Variants in FAT2 observed in about 807,000 individuals in gnomAD.
FAT2 encodes FAT atypical cadherin 2.
Under a neutral mutation model 295.3 loss-of-function variants are expected in FAT2, and 150 were observed. The ratio of observed to expected loss-of-function variants is 0.51; its 90% CI spans 0.44 to 0.58. The LOEUF (loss-of-function observed/expected upper bound fraction) is 0.58. Among genes scored for constraint, FAT2 ranks in the 20% least tolerant of loss-of-function variants. The pLI is 0.00. For synonymous variants in FAT2, 2,026 were observed against 2,150.3 expected (o/e 0.94, Z 1.60); for missense variants, 4,868 against 5,442.7 (o/e 0.89, Z 3.32).
intron 11 of FAT2, among the ~76,000 whole-genome samples, chr5:151,538,859 T>G (rs1755791087): frequency 6.7e-6 from 1 of 150,146 alleles, no homozygotes. Context: ...TTTTTTTTTG[T>G]ATTTTTAGTA....
At chr5:151,565,359 G>T (rs1316870657) in intron 2 of FAT2, among the ~76,000 whole-genome samples, 1 of 151,904 alleles carries the variant, frequency 6.6e-6, no homozygotes, top group Non-Finnish European at 1.5e-5. Flanking sequence ...GATTATATCT[G>T]GGGTGATGGA....
chr5:151,572,011 A>C (rs1213096358), intron 1 of FAT2, among the ~76,000 whole-genome samples: 1 of 152,194 alleles, frequency 6.6e-6, no homozygotes, highest in Non-Finnish European at 1.5e-5. Flanking sequence ...TAAGATTCTC[A>C]CATGAATAAT....
intron 16 of FAT2, 136 bp from the exon 17 acceptor site, chr5:151,527,513 G>T: frequency 2.7e-6 from 2 of 739,618 alleles, no homozygotes; most frequent in East Asian, 2.9e-5. Flanking sequence ...CCCACCCGTA[G>T]CATTTTAGGG....
rs773511696 is a variant in FAT2 at position 151,534,463 on chromosome 5, T to C, written c.9373A>G (p.Asn3125Asp). ...GCCACAGGGGTCTTCACTGTGGTGT[T>C]GTCGAAGACAGCCACAGCACAGTGG... The part of the protein sequence containing the change: ...PSHCAVAVFD[N>D]TTVKTPVAVV... Residue 3125 changes from asparagine to aspartate, a missense_variant, in exon 13 of 24, where the codon AAC becomes GAC. Around this residue, in one of 5 missense-constraint regions of FAT2, gnomAD observed 1,046 missense variants for 1,210.1 expected, o/e 0.86. Coordinates refer to ENST00000261800, the MANE Select transcript of FAT2 (RefSeq NM_001447.3). The C allele has an allele frequency of 1.2e-6, 2 of 1,613,852 alleles. No homozygotes were observed. The highest frequency in any genetic ancestry group is 1.7e-6 in the Non-Finnish European group (2 of 1,179,946).
chr5:151,568,924 A>G lies in FAT2; in HGVS notation c.8T>C (p.Ile3Thr), dbSNP rs1758412565. MT[I>T]ALLGFAIFLL... ...GAATATGGCAAAACCCAGCAGGGCA[A>G]TAGTCATGGTGGAAAACTCCCGAAA... Residue 3 changes from isoleucine to threonine, a missense_variant, in exon 2 of 24, where the codon ATT becomes ACT. Around this residue, in one of 5 missense-constraint regions of FAT2, gnomAD observed 3,297 missense variants for 3,669.4 expected, o/e 0.90. Transcript: ENST00000261800. 1.9e-6 allele frequency: 3 copies of G among 1,601,344 alleles called. No individual in the cohort carries two copies. The highest frequency in any genetic ancestry group is 2.2e-5 in the East Asian group (1 of 44,724).
At chr5:151,577,513 G>A (rs146085929) in intron 1 of FAT2, among the ~76,000 whole-genome samples, 1 of 152,312 alleles carries the variant, frequency 6.6e-6, no homozygotes, top group East Asian at 1.9e-4. Context: ...GTGATGAAAA[G>A]CGATATAAAG....
At chr5:151,571,488 G>A (rs1010834314) in intron 1 of FAT2, among the ~76,000 whole-genome samples, 1 of 152,218 alleles carries the variant, frequency 6.6e-6, no homozygotes, top group African/African-American at 2.4e-5. Context: ...TGGCTGCACC[G>A]GTGCCTTGCA....
chr5:151,575,228 A>G (rs1246774573), intron 1 of FAT2, among the ~76,000 whole-genome samples: 1 of 152,228 alleles, frequency 6.6e-6, no homozygotes, highest in East Asian at 1.9e-4. Flanking sequence ...CCCATTATTT[A>G]TTAGTATTCT....
In FAT2 at chr5:151,521,859, G is replaced by C. The variant is rs2127580187; in HGVS notation, c.10734C>G (p.Phe3578Leu). ...TCTTGCCATCAGGCGCACCCACTGAGAAGTGCCTGCCCAGGGTCTCCTCTT... is the reference window on the plus strand; with the variant it reads ...TCTTGCCATCAGGCGCACCCACTGACAAGTGCCTGCCCAGGGTCTCCTCTT... The part of the protein sequence containing the change: ...LAEEETLGRH[F>L]SVGAPDGKII... The change falls in exon 19 of 24, where the codon TTC (phenylalanine) becomes TTG (leucine). Residue 3578 changes from phenylalanine (F) to leucine (L), a missense_variant. This residue lies in a region of FAT2 where 1,046 missense variants were observed against 1,210.1 expected (regional missense o/e 0.86). Transcript: ENST00000261800. 3 of 1,614,244 alleles carry C rather than the reference G, an allele frequency of 1.9e-6. No homozygotes were observed. Among genetic ancestry groups the C allele is most frequent in the Non-Finnish European group, 2.5e-6 (3 of 1,180,042 alleles).
chr5:151,567,924 C>T lies in FAT2; in HGVS notation c.1008G>A (p.Arg336=). The T allele has an allele frequency of 3.1e-6, 5 of 1,614,158 alleles. No homozygotes were observed. Among genetic ancestry groups the T allele is most frequent in the Non-Finnish European group, 4.2e-6 (5 of 1,180,034 alleles). The change falls in exon 2 of 24, where the codon AGG becomes AGA. Residue 336 remains arginine, a synonymous_variant. Transcript: ENST00000261800. ...LHGFNLSLQA[R]SGSGPYFYSQ... Reference sequence around the variant, plus strand: ...AATAAAAATAAGGGCCGCTCCCACTCCTGGCCTGGAGGCTGAGGTTGAACC... The same window carrying T: ...AATAAAAATAAGGGCCGCTCCCACTTCTGGCCTGGAGGCTGAGGTTGAACC...
Position 151,566,189 on chromosome 5 carries a change from A to C in FAT2, c.2743T>G (p.Leu915Val), listed in dbSNP as rs376163837. Residue 915 changes from leucine to valine, a missense_variant, in exon 2 of 24, where the codon TTG (leucine) becomes GTG (valine). Transcript: ENST00000261800. ...LFSVTDLIITLEDVNDNSPQC... is the reference protein window; with the variant it reads ...LFSVTDLIITVEDVNDNSPQC... Reference sequence around the variant, plus strand: ...GGAGAGTTGTCGTTGACATCCTCCAATGTGATTATCAGGTCAGTGACAGAG... The same window carrying C: ...GGAGAGTTGTCGTTGACATCCTCCACTGTGATTATCAGGTCAGTGACAGAG... 1.4e-5 allele frequency: 23 copies of C among 1,613,926 alleles called. No homozygotes were observed. In the African/African-American group the frequency reaches 2.9e-4, roughly 21 times the overall value.
At chr5:151,588,482 C>T (rs1759266581) in intron 1 of FAT2, among the ~76,000 whole-genome samples, 1 of 152,206 alleles carries the variant, frequency 6.6e-6, no homozygotes, top group Admixed American at 6.5e-5. Context: ...AGCGCCCTTC[C>T]ACTGGACTGT....
chr5:151,553,254 T>A lies in FAT2; in HGVS notation c.4079A>T (p.Glu1360Val). The change falls in exon 6 of 24, where the codon GAG becomes GTG. Residue 1360 changes from glutamate to valine, a missense_variant. Glu to Val is a moderately radical substitution (Grantham distance 121). Transcript: ENST00000261800. ...CACCATGTGGTTCACAGGGTCCGTC[T>A]CCATGACCGTAAAGCTGTAGTAGGT... ...DETYYSFTVM[E>V]TDPVNHMVGV... The A allele has an allele frequency of 1.2e-6, 2 of 1,614,228 alleles. No individual in the cohort carries two copies.
In FAT2 at chr5:151,567,767, C is replaced by T; in HGVS notation, c.1165G>A (p.Ala389Thr). Residue 389 changes from alanine to threonine, a missense_variant, in exon 2 of 24, where the codon GCC becomes ACC. Physicochemically the swap from Ala to Thr is moderately conservative, Grantham distance 58. Around this residue, in one of 5 missense-constraint regions of FAT2, gnomAD observed 3,297 missense variants for 3,669.4 expected, o/e 0.90. Coordinates refer to ENST00000261800, the MANE Select transcript of FAT2 (RefSeq NM_001447.3). ...AGAACATACTGCAGGTTGGGGAAGG[C>T]TGGGGTGACTCTCACCATCACCACG... ...SRVVMVRVTP[A>T]FPNLQYVLKP... 6.2e-7 allele frequency: 1 copy of T among 1,614,150 alleles called. No individual in the cohort carries two copies. The highest frequency in any genetic ancestry group is 8.5e-7 in the Non-Finnish European group (1 of 1,180,022).
At chr5:151,584,260 T>C (rs1759081282) in intron 1 of FAT2, among the ~76,000 whole-genome samples, 1 of 151,864 alleles carries the variant, frequency 6.6e-6, no homozygotes, top group Non-Finnish European at 1.5e-5. Flanking sequence ...ATGATTCCCT[T>C]TACCCTCCCC....
At chr5:151,518,290 A>G (rs1753073244) in intron 19 of FAT2, among the ~76,000 whole-genome samples, 1 of 151,714 alleles carries the variant, frequency 6.6e-6, no homozygotes, top group East Asian at 1.9e-4. Flanking sequence ...TCAAGGCTGC[A>G]GTGAACCATG....
rs2127650327 is a variant in FAT2 at position 151,568,563 on chromosome 5, C to T, written c.369G>A (p.Glu123=). Reference sequence around the variant, plus strand: ...TCAAAGCTTCCAACTCCAAGGTCTTCTCTGTGGCTTGGATGATGAGGGTGT... The same window carrying T: ...TCAAAGCTTCCAACTCCAAGGTCTTTTCTGTGGCTTGGATGATGAGGGTGT... ...DSYTLIIQAT[E]KTLELEALTR... Residue 123 remains glutamate (E), a synonymous_variant, in exon 2 of 24, where the codon GAG becomes GAA. Coordinates refer to ENST00000261800, the MANE Select transcript of FAT2 (RefSeq NM_001447.3). The T allele has an allele frequency of 6.2e-7, 1 of 1,614,186 alleles. No homozygotes were observed. Among genetic ancestry groups the T allele is most frequent in the Non-Finnish European group, 8.5e-7 (1 of 1,180,042 alleles).
chr5:151,512,398 A>T lies in FAT2; in HGVS notation c.11672T>A (p.Leu3891His). Reference sequence around the variant, plus strand: ...CAACAGAATGAGGCCGCCCAGCAAGAGGTGCCTTTCGGGCCTCAGACCACG... The same window carrying T: ...CAACAGAATGAGGCCGCCCAGCAAGTGGTGCCTTTCGGGCCTCAGACCACG... ...NCRGLRPERH[L>H]LLGGLILLHS... is the part of the protein sequence containing the mutation. The change falls in exon 21 of 24, where the codon CTC becomes CAC. Residue 3891 changes from leucine (L) to histidine (H), a missense_variant. Transcript: ENST00000261800. The surrounding 1 kb of genome is among the most constrained non-coding windows in gnomAD (Gnocchi z 4.1). 1 of 1,614,228 alleles carries T rather than the reference A, an allele frequency of 6.2e-7. No homozygotes were observed. The highest frequency in any genetic ancestry group is 8.5e-7 in the Non-Finnish European group (1 of 1,180,030).
rs769529268 is a variant in FAT2 at position 151,505,731 on chromosome 5, T to C, written c.12884A>G (p.Tyr4295Cys). 1 of 1,613,652 alleles carries C rather than the reference T, an allele frequency of 6.2e-7. No homozygotes were observed. The highest frequency in any genetic ancestry group is 1.1e-5 in the South Asian group (1 of 91,068). ...GGGPCLADGG[Y>C]KGVGMRLSRA... ...GCTGAGGCGCATACCCACCCCCTTGTAGCCCCCGTCTGCCAGGCAGGGCCC... is the reference window on the plus strand; with the variant it reads ...GCTGAGGCGCATACCCACCCCCTTGCAGCCCCCGTCTGCCAGGCAGGGCCC... Residue 4295 changes from tyrosine to cysteine, a missense_variant, in exon 24 of 24, where the codon TAC becomes TGC. Around this residue, in one of 5 missense-constraint regions of FAT2, gnomAD observed 492 missense variants for 482.6 expected, o/e 1.02. Coordinates refer to ENST00000261800, the MANE Select transcript of FAT2 (RefSeq NM_001447.3).
Sources: gnomAD v4.1 joint callset for allele counts (sites outside exome capture counted in the v4.1 genomes callset) on GRCh38, gnomAD v4.1.1 for gene constraint, gnomAD v4.1.1 regional missense constraint, Gnocchi (gnomAD v3.1) non-coding constraint, MANE v1.5 for transcripts, NCBI Gene and HGNC (gene_info 2026-07-23, HGNC 2026-07-21) for gene names.